Variants in VTI1B observed in about 807,000 individuals in gnomAD.
VTI1B encodes the protein vesicle transport through interaction with t-SNAREs 1B, also known as vesicle transport through interaction with t-SNAREs homolog 1B.
In VTI1B, 18 loss-of-function variants were observed where a neutral mutation model predicts 28.6. The observed-to-expected ratio is 0.63, with a 90% CI of 0.43 to 0.93. The LOEUF (loss-of-function observed/expected upper bound fraction) is 0.93. VTI1B is among the 40% of genes least tolerant of loss of function. The pLI is 0.00. For missense variants in VTI1B, 283 were observed against 297.0 expected (o/e 0.95, Z 0.35); for synonymous variants, 100 against 107.9 (o/e 0.93, Z 0.46).
chr14:67,653,534 A>C, intron 4 of VTI1B, 36 bp from the exon 5 acceptor site: 1 of 1,569,594 alleles, frequency 6.4e-7, no homozygotes, highest in Non-Finnish European at 8.8e-7. Flanking sequence ...TCCCTCTTTA[A>C]AAAGTATACT....
At position 67,651,496 on chromosome 14, in the gene VTI1B, A is replaced by T. The variant is rs1566809024; in HGVS notation, c.603-15T>A. 1.2e-6 allele frequency: 2 copies of T among 1,612,878 alleles called. No individual in the cohort carries two copies. The highest frequency in any genetic ancestry group is 2.7e-5 in the African/African-American group (2 of 74,916). On this transcript the variant is annotated splice_polypyrimidine_tract_variant and intron_variant, in intron 5 of 5. Transcript: ENST00000554659. ...TGGTTGTCACTCTACAAAGAGAAGC[A>T]AAGTGGGGAGTAGTCAGAAGTTTGG...
chr14:67,674,620 CT>C lies in VTI1B; in HGVS notation c.-132del. On this transcript the variant is annotated 5_prime_UTR_variant, in exon 1 of 6. Transcript: ENST00000554659. Reference sequence around the variant, plus strand: ...CACCACCGCCGCCCAGGACGAGGCTCTTCCGGAGCCGCGGCAGGGTCCTCTC... The same window carrying C: ...CACCACCGCCGCCCAGGACGAGGCTCTCCGGAGCCGCGGCAGGGTCCTCTC... The C allele has an allele frequency of 1.5e-6, 1 of 647,138 alleles. No homozygotes were observed. 40.1% of individuals were successfully genotyped at this position (647,138 alleles called of 1,614,324 possible).
chr14:67,673,355 T>A (rs938222833), intron 1 of VTI1B, among the ~76,000 whole-genome samples: 29 of 151,702 alleles, frequency 1.9e-4, no homozygotes, highest in East Asian at 5.8e-4. Context: ...AAAAAAAAAA[T>A]GATAAATAAT....
rs937524116 is a variant in VTI1B, at chr14:67,648,288, T to G, written c.*3097A>C. ...TGCTATTCCACATCATTGCAGAGTTTGTTTTTGCTTAAACTTTTGTAGCTA... is the reference window on the plus strand; with the variant it reads ...TGCTATTCCACATCATTGCAGAGTTGGTTTTTGCTTAAACTTTTGTAGCTA... On this transcript the variant is annotated 3_prime_UTR_variant, in exon 6 of 6. Coordinates refer to ENST00000554659, the MANE Select transcript of VTI1B (RefSeq NM_006370.3). The G allele has an allele frequency of 1.5e-6, 2 of 1,323,980 alleles. No homozygotes were observed. Among genetic ancestry groups the G allele is most frequent in the South Asian group, 3.1e-5 (2 of 64,236 alleles). 82.0% of individuals were successfully genotyped at this position (1,323,980 alleles called of 1,614,324 possible). A position where few individuals can be genotyped will look rare whatever the true frequency, so the allele number is the denominator to read the frequency against.
chr14:67,660,103 G>C, intron 2 of VTI1B, 181 bp from the exon 3 acceptor site: 1 of 601,156 alleles, frequency 1.7e-6, no homozygotes, highest in Non-Finnish European at 2.8e-6. Flanking sequence ...GCCTTGCATA[G>C]TGCCCAGCAA....
chr14:67,659,575 A>G (rs560975875), intron 3 of VTI1B, among the ~76,000 whole-genome samples, 156 bp downstream of exon 3: 1 of 152,196 alleles, frequency 6.6e-6, no homozygotes, highest in African/African-American at 2.4e-5. Flanking sequence ...ACCAAGGGGT[A>G]ACAGGAACTG....
intron 1 of VTI1B, among the ~76,000 whole-genome samples, chr14:67,664,338 C>G (rs2037375025): frequency 6.6e-6 from 1 of 152,156 alleles, no homozygotes; most frequent in Admixed American, 6.5e-5. Context: ...TAAGTGGAAT[C>G]ATACAATATT....
intron 2 of VTI1B, among the ~76,000 whole-genome samples, chr14:67,660,654 AG>A (rs566886350): frequency 1.4e-3 from 220 of 152,352 alleles, no homozygotes; most frequent in Non-Finnish European, 2.6e-3. Context: ...TACCCAGAGC[AG>A]TCTGCTTTAG....
At position 67,650,952 on chromosome 14, in the gene VTI1B, G is replaced by C; in HGVS notation, c.*433C>G. ...CTGTGCACTGACATGTTTCACAACA[G>C]GCATTCCAGAATTATGAGGCATTGA... On this transcript the variant is annotated 3_prime_UTR_variant, in exon 6 of 6. Coordinates refer to ENST00000554659, the MANE Select transcript of VTI1B (RefSeq NM_006370.3). 6.3e-7 allele frequency: 1 copy of C among 1,599,074 alleles called. No individual in the cohort carries two copies. The highest frequency in any genetic ancestry group is 8.6e-7 in the Non-Finnish European group (1 of 1,168,454).
intron 1 of VTI1B, among the ~76,000 whole-genome samples, chr14:67,672,774 TCCCACAA>T (rs946401526): frequency 1.3e-5 from 2 of 152,068 alleles, no homozygotes; most frequent in Non-Finnish European, 2.9e-5. Context: ...ATAAATCAGA[TCCCACAA>T]TGCTTCTGCA....
intron 1 of VTI1B, among the ~76,000 whole-genome samples, chr14:67,665,810 G>A (rs1566816492): frequency 6.6e-6 from 1 of 152,016 alleles, no homozygotes. Context: ...AGATACTTCA[G>A]ACAATTTTCT....
chr14:67,651,684 G>A, intron 5 of VTI1B: 1 of 437,178 alleles, frequency 2.3e-6, no homozygotes, highest in Non-Finnish European at 4.0e-6. Flanking sequence ...GTTAAACTGA[G>A]ACAATAAAAA....
chr14:67,661,350 C>G (rs929753927), intron 2 of VTI1B, among the ~76,000 whole-genome samples: 1 of 134,444 alleles, frequency 7.4e-6, no homozygotes, highest in Non-Finnish European at 1.6e-5. Flanking sequence ...AGTTGTTAAA[C>G]TGTTCAGTAA....
intron 1 of VTI1B, among the ~76,000 whole-genome samples, chr14:67,664,211 G>A (rs61990129): frequency 0.45 from 68,399 of 152,042 alleles, 17,942 homozygotes; most frequent in Non-Finnish European, 0.61. Context: ...CATTCACACC[G>A]TTGTGGAGCC....
chr14:67,662,770 G>A (rs1192544460), intron 1 of VTI1B, among the ~76,000 whole-genome samples: 1 of 152,016 alleles, frequency 6.6e-6, no homozygotes, highest in East Asian at 1.9e-4. Context: ...CGGGCGTGGT[G>A]GCAGGCACCT....
chr14:67,658,106 G>C (rs192670608), intron 3 of VTI1B, among the ~76,000 whole-genome samples: 183 of 152,260 alleles, frequency 1.2e-3, no homozygotes, highest in Middle Eastern at 3.4e-3. Flanking sequence ...GGAAACCACT[G>C]AATGAGGTTC....
rs1423213719 is a variant in VTI1B at position 67,674,613 on chromosome 14, C to T, written c.-124G>A. 1.4e-6 allele frequency: 1 copy of T among 707,154 alleles called. No individual in the cohort carries two copies. Among genetic ancestry groups the T allele is most frequent in the East Asian group, 3.3e-5 (1 of 30,074 alleles). 43.8% of individuals were successfully genotyped at this position (707,154 alleles called of 1,614,324 possible). Reference sequence around the variant, plus strand: ...ACCGCCGCACCACCGCCGCCCAGGACGAGGCTCTTCCGGAGCCGCGGCAGG... The same window carrying T: ...ACCGCCGCACCACCGCCGCCCAGGATGAGGCTCTTCCGGAGCCGCGGCAGG... On this transcript the variant is annotated 5_prime_UTR_variant, in exon 1 of 6. Transcript: ENST00000554659.
intron 3 of VTI1B, 87 bp downstream of exon 3, chr14:67,659,644 A>C: frequency 2.2e-6 from 3 of 1,346,992 alleles, no homozygotes; most frequent in Non-Finnish European, 3.0e-6. Flanking sequence ...ATACACTGAT[A>C]ACATGAAATA....
In VTI1B at chr14:67,647,850, G is replaced by A; in HGVS notation, c.*3535C>T. 1 of 593,300 alleles carries A rather than the reference G, an allele frequency of 1.7e-6. No individual in the cohort carries two copies. Among genetic ancestry groups the A allele is most frequent in the Admixed American group, 3.0e-5 (1 of 32,892 alleles). The allele number at this position is 593,300 out of a possible 1,614,324, so 36.8% of individuals were successfully genotyped here. A position where few individuals can be genotyped will look rare whatever the true frequency, so the allele number is the denominator to read the frequency against. ...GAACAAATGGCAGTATCATGAAGTG[G>A]TATGTAGGAAGTTAATATTGCCAAT... On this transcript the variant is annotated 3_prime_UTR_variant, in exon 6 of 6. Coordinates refer to ENST00000554659, the MANE Select transcript of VTI1B (RefSeq NM_006370.3).
Sources: allele counts gnomAD v4.1 joint callset (sites outside exome capture counted in the v4.1 genomes callset), GRCh38; gene constraint gnomAD v4.1.1; transcripts MANE v1.5; gene names NCBI Gene and HGNC (gene_info 2026-07-23, HGNC 2026-07-21).